TIPARP: variants seen among roughly 807,000 people sequenced by gnomAD.
TIPARP encodes protein mono-ADP-ribosyltransferase TIPARP.
A neutral mutation model predicts 56.5 loss-of-function variants in TIPARP; 12 were observed. The ratio of observed to expected loss-of-function variants is 0.21; its 90% CI spans 0.14 to 0.34. The LOEUF (loss-of-function observed/expected upper bound fraction) is 0.34. Ranked by LOEUF, TIPARP falls within the 10% of genes least tolerant of loss-of-function variation. TIPARP has a pLI of 1.00. For synonymous variants in TIPARP, 296 were observed against 265.7 expected, an observed-to-expected ratio of 1.11 and a Z score of -1.11; for missense variants, 604 against 781.6, an observed-to-expected ratio of 0.77 and a Z score of 2.71.
chr3:156,692,165 A>G (rs906232426), intron 2 of TIPARP, among the ~76,000 whole-genome samples: 4 of 152,134 alleles, frequency 2.6e-5, no homozygotes, highest in East Asian at 1.9e-4. Context: ...TTGCTGGGCG[A>G]TAAGCTTAAA....
intron 2 of TIPARP, among the ~76,000 whole-genome samples, chr3:156,692,714 G>GCAAATATTTGTATAACCTGTTTTT: frequency 6.6e-6 from 1 of 152,204 alleles, no homozygotes; most frequent in African/African-American, 2.4e-5. Flanking sequence ...ATAGAGGATG[G>GCAAATATTTGTATAACCTGTTTTT]CAAATATTTG....
chr3:156,686,366 G>C (rs1378728766), intron 2 of TIPARP, among the ~76,000 whole-genome samples: 1 of 152,138 alleles, frequency 6.6e-6, no homozygotes, highest in Non-Finnish European at 1.5e-5. Context: ...GAAAGGTTTT[G>C]TTATAGCTTA....
chr3:156,683,985 T>A (rs1265225088), intron 2 of TIPARP, among the ~76,000 whole-genome samples: 1 of 152,234 alleles, frequency 6.6e-6, no homozygotes, highest in South Asian at 2.1e-4. Flanking sequence ...CTCTTAACCT[T>A]AGCCAACAAC....
At chr3:156,699,882 C>G (rs1434081235) in intron 4 of TIPARP, among the ~76,000 whole-genome samples, 1 of 151,976 alleles carries the variant, frequency 6.6e-6, no homozygotes, top group Non-Finnish European at 1.5e-5. Context: ...AATAGCCAGT[C>G]CACCAGGGTG....
chr3:156,693,572 A>G (rs1011547753), intron 2 of TIPARP, among the ~76,000 whole-genome samples: 1 of 152,124 alleles, frequency 6.6e-6, no homozygotes, highest in Non-Finnish European at 1.5e-5. Flanking sequence ...TGATCAGGCA[A>G]TACTGTGTAT....
At chr3:156,703,962 G>A (rs1419275235) in intron 5 of TIPARP, among the ~76,000 whole-genome samples, 1 of 144,660 alleles carries the variant, frequency 6.9e-6, no homozygotes, top group African/African-American at 2.6e-5. Context: ...GCAGTGAGCC[G>A]AGATTGCGCC....
intron 4 of TIPARP, among the ~76,000 whole-genome samples, chr3:156,700,422 T>C (rs1481338830): frequency 6.6e-6 from 1 of 152,054 alleles, no homozygotes; most frequent in African/African-American, 2.4e-5. Context: ...TTAAGTGTTA[T>C]TAAATGCAAA....
At chr3:156,691,181 C>G (rs763864376) in intron 2 of TIPARP, among the ~76,000 whole-genome samples, 28 of 152,146 alleles carry the variant, frequency 1.8e-4, no homozygotes, top group Non-Finnish European at 7.4e-5. Context: ...CCTCTTTTTC[C>G]TTGTTCTTAC....
chr3:156,695,826 C>CTTTTTTT lies in TIPARP; in HGVS notation c.1087-28_1087-22dup, dbSNP rs10631452. On this transcript the variant is annotated intron_variant, in intron 3 of 5. Transcript: ENST00000295924. ...TTTTTAACCATGATTATTAACTTTC[C>CTTTTTTT]TTTTTTTTTTTTTTTTTGTTCTGTT... The CTTTTTTT allele has an allele frequency of 1.7e-3, 1,703 of 1,030,496 alleles. 158 individuals are homozygous for CTTTTTTT. The highest frequency in any genetic ancestry group is 7.4e-3 in the South Asian group (242 of 32,786). 63.8% of individuals were successfully genotyped at this position (1,030,496 alleles called of 1,614,324 possible).
At chr3:156,687,224 A>G (rs1237556838) in intron 2 of TIPARP, among the ~76,000 whole-genome samples, 1 of 152,200 alleles carries the variant, frequency 6.6e-6, no homozygotes, top group Admixed American at 6.5e-5. Context: ...CTGTGATCTT[A>G]GGACATGTGA....
chr3:156,682,140 G>C (rs1409096992), intron 2 of TIPARP, among the ~76,000 whole-genome samples: 1 of 152,172 alleles, frequency 6.6e-6, no homozygotes, highest in Non-Finnish European at 1.5e-5. Context: ...AATTGAGCCA[G>C]AACAATTTTC....
rs1275642996 is a variant in TIPARP, at chr3:156,706,442, G to A, written c.*1311G>A. ...AACTTCTGTGTTGTTTAAGCAAGATGTATCTGTACTGATGTCTCAGTGAAT... is the reference window on the plus strand; with the variant it reads ...AACTTCTGTGTTGTTTAAGCAAGATATATCTGTACTGATGTCTCAGTGAAT... On this transcript the variant is annotated 3_prime_UTR_variant, in exon 6 of 6. Transcript: ENST00000295924. 1 of 152,656 alleles carries A rather than the reference G, an allele frequency of 6.6e-6. No individual in the cohort carries two copies. Among genetic ancestry groups the A allele is most frequent in the Non-Finnish European group, 1.5e-5 (1 of 68,036 alleles). The allele number at this position is 152,656 out of a possible 1,614,324, so 9.5% of individuals were successfully genotyped here. A position where few individuals can be genotyped will look rare whatever the true frequency, so the allele number is the denominator to read the frequency against.
intron 2 of TIPARP, among the ~76,000 whole-genome samples, chr3:156,688,479 G>GCCCC (rs1240863370): frequency 1.2e-5 from 1 of 86,822 alleles, no homozygotes; most frequent in African/African-American, 4.3e-5. Flanking sequence ...AAGTTTTATT[G>GCCCC]CCGCCCCCCC....
At chr3:156,693,933 T>C in intron 2 of TIPARP, 87 bp from the exon 3 acceptor site, 1 of 1,394,598 alleles carries the variant, frequency 7.2e-7, no homozygotes, top group Non-Finnish European at 9.5e-7. Flanking sequence ...CTATGTATTT[T>C]TAATGTCCAA....
intron 3 of TIPARP, 39 bp from the exon 4 acceptor site, chr3:156,695,826 C>CCTT: frequency 9.7e-7 from 1 of 1,030,334 alleles, no homozygotes; most frequent in Non-Finnish European, 1.2e-6. Context: ...ATTAACTTTC[C>CCTT]TTTTTTTTTT....
chr3:156,679,570 G>A (rs943741093), intron 2 of TIPARP, among the ~76,000 whole-genome samples: 1 of 152,144 alleles, frequency 6.6e-6, no homozygotes, highest in Non-Finnish European at 1.5e-5. Flanking sequence ...CCAAGAGTAA[G>A]GATTAAAATT....
At chr3:156,703,988 G>C (rs886976087) in intron 5 of TIPARP, among the ~76,000 whole-genome samples, 1 of 148,796 alleles carries the variant, frequency 6.7e-6, no homozygotes, top group East Asian at 2.0e-4. Context: ...ACTCCAGCCT[G>C]GGCGACAGAG....
intron 1 of TIPARP, chr3:156,675,269 C>T (rs937064620): frequency 2.0e-5 from 3 of 152,254 alleles, no homozygotes; most frequent in Admixed American, 1.3e-4. Context: ...TTCACATTAA[C>T]TTTGAGAGCG....
At position 156,677,714 on chromosome 3, in the gene TIPARP, C is replaced by T. The variant is rs781581358; in HGVS notation, c.17C>T (p.Thr6Ile). 1.3e-6 allele frequency: 2 copies of T among 1,588,182 alleles called. No individual in the cohort carries two copies. The highest frequency in any genetic ancestry group is 1.7e-4 in the Middle Eastern group (1 of 5,916). Reference sequence around the variant, plus strand: ...ATCCACATTATGGAAATGGAAACCACCGAACCTGAGCCAGACTGTGTAGTG... The same window carrying T: ...ATCCACATTATGGAAATGGAAACCATCGAACCTGAGCCAGACTGTGTAGTG... MEMET[T>I]EPEPDCVVQP... Residue 6 changes from threonine to isoleucine, a missense_variant, in exon 2 of 6, where the codon ACC becomes ATC. Thr to Ile is a moderately conservative substitution (Grantham distance 89, BLOSUM62 -1). Around this residue, in one of 4 missense-constraint regions of TIPARP, gnomAD observed 261 missense variants for 279.2 expected, o/e 0.93. Coordinates refer to ENST00000295924, the MANE Select transcript of TIPARP (RefSeq NM_015508.5).
Sources: gnomAD v4.1 joint callset for allele counts (sites outside exome capture counted in the v4.1 genomes callset) on GRCh38, gnomAD v4.1.1 for gene constraint, gnomAD v4.1.1 regional missense constraint, MANE v1.5 for transcripts, NCBI Gene and HGNC (gene_info 2026-07-23, HGNC 2026-07-21) for gene names.